The following LDB2 variants were observed in gnomAD, a reference collection of about 807,000 sequenced individuals.
LDB2 encodes the protein LIM domain-binding protein 2.
A neutral mutation model predicts 44.3 loss-of-function variants in LDB2; 12 were observed. The observed-to-expected ratio is 0.27, with a 90% CI of 0.17 to 0.44. The LOEUF (loss-of-function observed/expected upper bound fraction) is 0.44, where lower values mean the gene tolerates loss of function less well. Ranked by LOEUF, LDB2 falls within the 20% of genes least tolerant of loss-of-function variation. LDB2 has a pLI of 1.00. For missense variants in LDB2, 344 were observed against 473.5 expected (o/e 0.73, Z 2.54); for synonymous variants, 164 against 174.8 (o/e 0.94, Z 0.49).
intron 5 of LDB2, among the ~76,000 whole-genome samples, chr4:16,527,545 G>C (rs1728669180): frequency 6.6e-6 from 1 of 152,148 alleles, no homozygotes; most frequent in South Asian, 2.1e-4. Flanking sequence ...ACTAAAAGTA[G>C]AACCACCATT....
chr4:16,661,932 C>T (rs1257311480), intron 2 of LDB2, among the ~76,000 whole-genome samples: 2 of 152,134 alleles, frequency 1.3e-5, no homozygotes, highest in African/African-American at 2.4e-5. Flanking sequence ...GGGCAGGTAG[C>T]ACTCGCTCTT....
At position 16,750,612 on chromosome 4, in the gene LDB2, G is replaced by T. The variant is rs1030319900; in HGVS notation, c.235+8546C>A. On this transcript the variant is annotated intron_variant, in intron 2 of 7. Coordinates refer to ENST00000304523, the MANE Select transcript of LDB2 (RefSeq NM_001290.5). ...TGGGTCATGCTCACACCACATTGTA[G>T]CTGCTCTGGAATTGTCAAGATTTCA... Among the ~76,000 whole-genome samples the T allele has an allele frequency of 4.6e-5, 7 of 152,278 alleles. No homozygotes were observed. In the East Asian group the frequency reaches 7.7e-4, roughly 17 times the overall value.
intron 5 of LDB2, among the ~76,000 whole-genome samples, chr4:16,535,407 C>T (rs916051257): frequency 6.6e-6 from 1 of 152,176 alleles, no homozygotes; most frequent in Non-Finnish European, 1.5e-5. Context: ...TCAAGCTTTC[C>T]TTATAGTCAT....
At chr4:16,504,222 A>G (rs891293450) in intron 7 of LDB2, among the ~76,000 whole-genome samples, 3 of 152,206 alleles carry the variant, frequency 2.0e-5, no homozygotes, top group African/African-American at 7.2e-5. Context: ...CTGGGACAGT[A>G]GAATGGAATA....
chr4:16,721,188 T>G (rs1316284290), intron 2 of LDB2, among the ~76,000 whole-genome samples: 2 of 152,200 alleles, frequency 1.3e-5, no homozygotes, highest in African/African-American at 4.8e-5. Context: ...AATAAATCAA[T>G]GAACCTTATC....
At chr4:16,849,262 A>G (rs1424290701) in intron 1 of LDB2, among the ~76,000 whole-genome samples, 2 of 152,130 alleles carry the variant, frequency 1.3e-5, no homozygotes, top group African/African-American at 4.8e-5. Context: ...TTCCCCTGGG[A>G]GGACTTCTGT....
At chr4:16,894,625 G>A (rs1291976603) in intron 1 of LDB2, among the ~76,000 whole-genome samples, 2 of 152,180 alleles carry the variant, frequency 1.3e-5, no homozygotes, top group African/African-American at 4.8e-5. Context: ...TGGGGGATGT[G>A]AGATGAACAC....
Position 16,695,459 on chromosome 4 carries a change from C to CA in LDB2, c.235+63698dup, listed in dbSNP as rs553974303. ...TTGGCAAGACAGAGCAAGACTCTGTCAAAAAAAAAAAAAGAAGAAGAAAAA... is the reference window on the plus strand; with the variant it reads ...TTGGCAAGACAGAGCAAGACTCTGTCAAAAAAAAAAAAAAGAAGAAGAAAAA... On this transcript the variant is annotated intron_variant, in intron 2 of 7. Transcript: ENST00000304523. 6.7e-3 allele frequency among the ~76,000 whole-genome samples: 730 copies of CA among 109,500 alleles called. 5 individuals carry two copies. Among genetic ancestry groups the CA allele is most frequent in the African/African-American group, 0.017 (490 of 29,600 alleles). 71.8% of individuals were successfully genotyped at this position (109,500 alleles called of 152,430 possible). A position where few individuals can be genotyped will look rare whatever the true frequency, so the allele number is the denominator to read the frequency against.
intron 1 of LDB2, among the ~76,000 whole-genome samples, chr4:16,868,093 A>G (rs1459697486): frequency 6.6e-6 from 1 of 152,172 alleles, no homozygotes; most frequent in Non-Finnish European, 1.5e-5. Context: ...AGACTCGTTT[A>G]TCTTAGTGAT....
intron 2 of LDB2, among the ~76,000 whole-genome samples, chr4:16,719,791 A>G (rs555598487): frequency 1.4e-4 from 21 of 152,176 alleles, no homozygotes; most frequent in African/African-American, 4.8e-4. Flanking sequence ...ATTATTTGTT[A>G]TCATATATTA....
At chr4:16,605,423 TTAATTA>T (rs1723657361) in intron 2 of LDB2, among the ~76,000 whole-genome samples, 2 of 152,198 alleles carry the variant, frequency 1.3e-5, no homozygotes, top group Admixed American at 1.3e-4. Context: ...ATGTCTTGAT[TTAATTA>T]TAATTAGTTT....
intron 2 of LDB2, among the ~76,000 whole-genome samples, chr4:16,654,567 A>T (rs1398282542): frequency 6.6e-6 from 1 of 152,200 alleles, no homozygotes; most frequent in Non-Finnish European, 1.5e-5. Flanking sequence ...GTGTTGTGGG[A>T]CTCAAAGGAA....
intron 5 of LDB2, among the ~76,000 whole-genome samples, chr4:16,535,896 G>A (rs1479374936): frequency 6.6e-6 from 1 of 152,164 alleles, no homozygotes; most frequent in Non-Finnish European, 1.5e-5. Context: ...AGTTGAACTT[G>A]TGTAAAAGGA....
chr4:16,873,514 G>T (rs1717364842), intron 1 of LDB2, among the ~76,000 whole-genome samples: 2 of 151,386 alleles, frequency 1.3e-5, no homozygotes, highest in South Asian at 4.2e-4. Flanking sequence ...AAAAAAAAAT[G>T]TTCTTTGTCC....
intron 2 of LDB2, among the ~76,000 whole-genome samples, chr4:16,680,766 G>C (rs1197590742): frequency 2.0e-5 from 3 of 152,158 alleles, no homozygotes; most frequent in African/African-American, 7.2e-5. Context: ...CTGGGGGAAA[G>C]AAAAAGGCAA....
At chr4:16,619,718 T>C (rs534506315) in intron 2 of LDB2, among the ~76,000 whole-genome samples, 1 of 152,008 alleles carries the variant, frequency 6.6e-6, no homozygotes, top group Non-Finnish European at 1.5e-5. Context: ...CACCAGTGGA[T>C]AATATCGGTT....
intron 2 of LDB2, among the ~76,000 whole-genome samples, chr4:16,737,482 AAATT>A (rs918639528): frequency 1.7e-4 from 26 of 152,304 alleles, no homozygotes; most frequent in African/African-American, 6.3e-4. Flanking sequence ...TGTACACAAA[AAATT>A]AATGACAGGA....
At chr4:16,825,299 T>A (rs158269) in intron 1 of LDB2, among the ~76,000 whole-genome samples, 58,605 of 151,974 alleles carry the variant, frequency 0.39, 11,745 homozygotes, top group East Asian at 0.61. Flanking sequence ...TAACCAGAAA[T>A]AACAAATTAT....
intron 2 of LDB2, among the ~76,000 whole-genome samples, chr4:16,757,300 G>A (rs1396118764): frequency 6.6e-6 from 1 of 152,176 alleles, no homozygotes; most frequent in Non-Finnish European, 1.5e-5. Context: ...GATGAGACTC[G>A]GCTCAAGACC....
Sources: allele counts gnomAD v4.1 joint callset (sites outside exome capture counted in the v4.1 genomes callset), GRCh38; gene constraint gnomAD v4.1.1; transcripts MANE v1.5; gene names NCBI Gene and HGNC (gene_info 2026-07-23, HGNC 2026-07-21).